Variants in YAP1 observed in about 807,000 individuals in gnomAD.
YAP1 encodes the protein transcriptional coactivator YAP1.
YAP1 carries 5 observed loss-of-function variants against 56.9 expected under a neutral mutation model. That is an observed-to-expected ratio of 0.09 (90% CI 0.05 to 0.18). The LOEUF is 0.18. YAP1 is among the 10% of genes least tolerant of loss of function. YAP1 has a pLI of 1.00. For missense variants in YAP1, 539 were observed against 651.8 expected, an observed-to-expected ratio of 0.83 and a Z score of 1.88; for synonymous variants, 265 against 248.1, an observed-to-expected ratio of 1.07 and a Z score of -0.64.
At chr11:102,191,306 C>T (rs1948266568) in intron 4 of YAP1, among the ~76,000 whole-genome samples, 1 of 152,076 alleles carries the variant, frequency 6.6e-6, no homozygotes, top group East Asian at 1.9e-4. Flanking sequence ...ATCCCTGGCC[C>T]GCTAAGTGCC....
intron 2 of YAP1, among the ~76,000 whole-genome samples, chr11:102,160,032 T>TG (rs1946173436): frequency 6.6e-6 from 1 of 150,840 alleles, no homozygotes; most frequent in Admixed American, 6.6e-5. Context: ...TTTTTTTTTT[T>TG]TTTTTTTTGA....
chr11:102,199,837 C>T (rs994306435), intron 4 of YAP1, among the ~76,000 whole-genome samples: 2 of 152,144 alleles, frequency 1.3e-5, no homozygotes, highest in Admixed American at 6.6e-5. Context: ...AAAAGCCAGG[C>T]GTGCAGCTGA....
At chr11:102,190,233 G>A (rs569294064) in intron 4 of YAP1, among the ~76,000 whole-genome samples, 43 of 152,192 alleles carry the variant, frequency 2.8e-4, no homozygotes, top group South Asian at 2.7e-3. Context: ...GTCTTTCCTG[G>A]TTATCCTGGG....
chr11:102,126,192 A>G (rs1045189968), intron 2 of YAP1, among the ~76,000 whole-genome samples: 5 of 152,172 alleles, frequency 3.3e-5, no homozygotes, highest in Admixed American at 1.3e-4. Context: ...AATCCAGTTT[A>G]TAATTACAGG....
At chr11:102,167,296 A>C (rs1261238390) in intron 3 of YAP1, among the ~76,000 whole-genome samples, 4 of 152,266 alleles carry the variant, frequency 2.6e-5, no homozygotes, top group Non-Finnish European at 4.4e-5. Flanking sequence ...AAGGTGAAGA[A>C]GAGGAAAATG....
Position 102,110,957 on chromosome 11 carries a change from G to C in YAP1, c.109G>C (p.Ala37Pro). 6.6e-7 allele frequency: 1 copy of C among 1,510,678 alleles called. No homozygotes were observed. Among genetic ancestry groups the C allele is most frequent in the African/African-American group, 1.5e-5 (1 of 68,734 alleles). The allele number at this position is 1,510,678 out of a possible 1,614,324, so 93.6% of individuals were successfully genotyped here. A position where few individuals can be genotyped will look rare whatever the true frequency, so the allele number is the denominator to read the frequency against. The stretch of plus-strand genomic sequence containing the variant: ...CCCGCCGTCCGGACCCGGGCAACCG[G>C]CACCCGCGGCGACCCAGGCGGCGCC... ...QGPPSGPGQP[A>P]PAATQAAPQA... Residue 37 changes from alanine to proline, a missense_variant, in exon 1 of 9, where the codon GCA becomes CCA. Ala to Pro is a conservative substitution (Grantham distance 27, BLOSUM62 -1). Coordinates refer to ENST00000282441, the MANE Select transcript of YAP1 (RefSeq NM_001130145.3).
intron 2 of YAP1, among the ~76,000 whole-genome samples, chr11:102,122,916 A>AAAAAAAT: frequency 7.1e-6 from 1 of 141,378 alleles, no homozygotes; most frequent in South Asian, 2.3e-4. Context: ...AAAAAAAAAA[A>AAAAAAAT]GCAAAGAAAA....
At chr11:102,217,001 T>C (rs1949701491) in intron 6 of YAP1, among the ~76,000 whole-genome samples, 1 of 152,198 alleles carries the variant, frequency 6.6e-6, no homozygotes, top group Admixed American at 6.5e-5. Flanking sequence ...ACATTTGGAG[T>C]CAGAGCTATC....
At chr11:102,111,615 A>AG (rs1942922687) in intron 1 of YAP1, among the ~76,000 whole-genome samples, 1 of 122,038 alleles carries the variant, frequency 8.2e-6, no homozygotes, top group Admixed American at 7.9e-5. Context: ...GGAAAGGGGG[A>AG]GGGGGGCCTC....
rs189970118 is a variant in YAP1, at chr11:102,217,856, C to T, written c.1033-5766C>T. 6.6e-4 allele frequency among the ~76,000 whole-genome samples: 101 copies of T among 152,260 alleles called. 1 individual carries two copies. The Middle Eastern group carries it at 0.01, about 15-fold the overall frequency. On this transcript the variant is annotated intron_variant, in intron 6 of 8. Coordinates refer to ENST00000282441, the MANE Select transcript of YAP1 (RefSeq NM_001130145.3). The stretch of plus-strand genomic sequence containing the variant: ...CTTGAATTACAGGCACCTGCCATCA[C>T]ACCCAGCTAATTTTTTGTATTTTTA...
At chr11:102,122,941 TTTTC>T (rs1943770029) in intron 2 of YAP1, among the ~76,000 whole-genome samples, 2 of 143,842 alleles carry the variant, frequency 1.4e-5, no homozygotes. Context: ...AATGACCCTC[TTTTC>T]TTTATCTCTG....
chr11:102,135,817 T>A (rs975665572), intron 2 of YAP1, among the ~76,000 whole-genome samples: 1 of 152,258 alleles, frequency 6.6e-6, no homozygotes, highest in Non-Finnish European at 1.5e-5. Context: ...TGAAGTGATA[T>A]CTGCAAATAT....
chr11:102,144,925 G>GTC (rs960683983), intron 2 of YAP1, among the ~76,000 whole-genome samples: 3 of 151,192 alleles, frequency 2.0e-5, no homozygotes, highest in East Asian at 1.9e-4. Context: ...CACTTATTCT[G>GTC]TCTCTCTCTC....
chr11:102,112,748 ATGCTTTT>A (rs1419229752), intron 1 of YAP1: 1 of 985,256 alleles, frequency 1.0e-6, no homozygotes, highest in East Asian at 1.1e-4. Flanking sequence ...TGTCTTAGGT[ATGCTTTT>A]TTCTCTTACC....
chr11:102,163,668 T>C (rs1199720160), intron 3 of YAP1, among the ~76,000 whole-genome samples: 1 of 152,196 alleles, frequency 6.6e-6, no homozygotes, highest in Non-Finnish European at 1.5e-5. Flanking sequence ...ATTTAGTAGC[T>C]ACACAGTAGA....
In YAP1 at chr11:102,233,395, G is replaced by T. The variant is rs1245001199; in HGVS notation, c.*3455G>T. The T allele has an allele frequency of 1.3e-5, 2 of 150,556 alleles. No individual in the cohort carries two copies. The highest frequency in any genetic ancestry group is 2.4e-5 in the African/African-American group (1 of 41,024). The allele number at this position is 150,556 out of a possible 1,614,324, so 9.3% of individuals were successfully genotyped here. A position where few individuals can be genotyped will look rare whatever the true frequency, so the allele number is the denominator to read the frequency against. Reference sequence around the variant, plus strand: ...TAATACCTTTTTGTTTGTTTATGTGGTTCAAATATATTCTTTCCTTAAACT... The same window carrying T: ...TAATACCTTTTTGTTTGTTTATGTGTTTCAAATATATTCTTTCCTTAAACT... On this transcript the variant is annotated 3_prime_UTR_variant, in exon 9 of 9. Transcript: ENST00000282441.
intron 6 of YAP1, among the ~76,000 whole-genome samples, chr11:102,211,963 A>G (rs2135633699): frequency 6.6e-6 from 1 of 152,296 alleles, no homozygotes; most frequent in South Asian, 2.1e-4. Flanking sequence ...TCGGCCTCCC[A>G]AAGCACTGGT....
At chr11:102,123,290 C>T (rs1943799009) in intron 2 of YAP1, among the ~76,000 whole-genome samples, 1 of 152,038 alleles carries the variant, frequency 6.6e-6, no homozygotes, top group Non-Finnish European at 1.5e-5. Context: ...GCTTTTTGCC[C>T]ACCTTGGAGC....
chr11:102,225,111 G>A (rs192192903), intron 7 of YAP1, among the ~76,000 whole-genome samples: 1 of 151,590 alleles, frequency 6.6e-6, no homozygotes, highest in African/African-American at 2.4e-5. Context: ...GGGCAGAATT[G>A]TATATGCATT....
Sources: gnomAD v4.1 joint callset for allele counts (sites outside exome capture counted in the v4.1 genomes callset) on GRCh38, gnomAD v4.1.1 for gene constraint, MANE v1.5 for transcripts, NCBI Gene and HGNC (gene_info 2026-07-23, HGNC 2026-07-21) for gene names.